The following THSD7A variants were observed in gnomAD, a reference collection of about 807,000 sequenced individuals.
THSD7A encodes the protein thrombospondin type-1 domain-containing protein 7A.
A neutral mutation model predicts 231.3 loss-of-function variants in THSD7A; 96 were observed. The observed-to-expected ratio is 0.41, with a 90% CI of 0.35 to 0.49. The LOEUF (loss-of-function observed/expected upper bound fraction) is 0.49. Among genes scored for constraint, THSD7A ranks in the 20% least tolerant of loss-of-function variants. The probability of loss-of-function intolerance (pLI) is 0.05; values close to 1 mark genes in which losing one functional copy is unlikely to be tolerated. For missense variants in THSD7A, 2,290 were observed against 2,070.2 expected, an observed-to-expected ratio of 1.11 and a Z score of -2.06; for synonymous variants, 940 against 743.3, an observed-to-expected ratio of 1.26 and a Z score of -4.30.
At chr7:11,588,767 G>A (rs1462365289) in intron 4 of THSD7A, among the ~76,000 whole-genome samples, 1 of 152,120 alleles carries the variant, frequency 6.6e-6, no homozygotes, top group Non-Finnish European at 1.5e-5. Context: ...TACTACCCTG[G>A]AAAGACTGCT....
rs565140871 is a variant in THSD7A, at chr7:11,542,034, C to T, written c.1610-403G>A. ...GAAATTTCAAGCTATTTAGAAATAC[C>T]GATGACCAGACAAAAGTGCTATTAT... On this transcript the variant is annotated intron_variant, in intron 5 of 27. Transcript: ENST00000423059. 4.6e-5 allele frequency among the ~76,000 whole-genome samples: 7 copies of T among 152,208 alleles called. No individual in the cohort carries two copies. In the South Asian group the frequency reaches 1.2e-3, roughly 27 times the overall value.
chr7:11,670,689 T>C (rs1050693210), intron 1 of THSD7A, among the ~76,000 whole-genome samples: 2 of 152,168 alleles, frequency 1.3e-5, no homozygotes, highest in Non-Finnish European at 2.9e-5. Flanking sequence ...ATCACAGCAC[T>C]GTAGATGGTA....
At chr7:11,712,769 CTATTA>C (rs1409413960) in intron 1 of THSD7A, among the ~76,000 whole-genome samples, 1 of 150,836 alleles carries the variant, frequency 6.6e-6, no homozygotes, top group African/African-American at 2.4e-5. Context: ...CATATGTGGC[CTATTA>C]TATGTTATTT....
intron 1 of THSD7A, among the ~76,000 whole-genome samples, chr7:11,725,158 A>G (rs1165435165): frequency 6.6e-6 from 1 of 152,008 alleles, no homozygotes; most frequent in Non-Finnish European, 1.5e-5. Context: ...GCTCTTTTAT[A>G]ACAAAATGCT....
Position 11,371,096 on chromosome 7 carries a change from T to C in THSD7A, c.*4698A>G, listed in dbSNP as rs1782035611. ...ACTAAAGCTCTTCATATACTGCCCA[T>C]TTTTAAGATCTGACTTGGTAGAAAC... On this transcript the variant is annotated 3_prime_UTR_variant, in exon 28 of 28. Transcript: ENST00000423059. 1 of 152,224 alleles carries C rather than the reference T, an allele frequency of 6.6e-6. No homozygotes were observed. The highest frequency in any genetic ancestry group is 1.5e-5 in the Non-Finnish European group (1 of 68,034). 9.4% of individuals were successfully genotyped at this position (152,224 alleles called of 1,614,324 possible).
chr7:11,432,662 T>C (rs193112593), intron 13 of THSD7A, among the ~76,000 whole-genome samples: 1 of 152,224 alleles, frequency 6.6e-6, no homozygotes, highest in Admixed American at 6.5e-5. Flanking sequence ...TTCTGGTTGA[T>C]GTGTAGCATT....
chr7:11,515,175 T>C (rs991899031), intron 6 of THSD7A, among the ~76,000 whole-genome samples: 1 of 152,202 alleles, frequency 6.6e-6, no homozygotes, highest in Non-Finnish European at 1.5e-5. Flanking sequence ...CATTTCACTA[T>C]GATTTTAGTT....
intron 1 of THSD7A, chr7:11,751,408 G>T (rs894846288): frequency 5.3e-5 from 8 of 151,954 alleles, no homozygotes; most frequent in East Asian, 1.9e-4. Context: ...GGAATGAAGT[G>T]GGGGGAGGAG....
At chr7:11,780,373 C>T (rs551408994) in intron 1 of THSD7A, among the ~76,000 whole-genome samples, 3 of 152,150 alleles carry the variant, frequency 2.0e-5, no homozygotes, top group Non-Finnish European at 4.4e-5. Context: ...GCATGACTTT[C>T]GTGGCAAGAT....
chr7:11,402,154 A>G (rs193119328), intron 22 of THSD7A, among the ~76,000 whole-genome samples, 186 bp from the exon 23 acceptor site: 1 of 152,282 alleles, frequency 6.6e-6, no homozygotes, highest in Admixed American at 6.5e-5. Context: ...ATGTATTGTT[A>G]TTTTCCGTAT....
chr7:11,687,902 AATTTT>A (rs1212539290), intron 1 of THSD7A, among the ~76,000 whole-genome samples: 1 of 150,816 alleles, frequency 6.6e-6, no homozygotes, highest in African/African-American at 2.4e-5. Flanking sequence ...TTTTAAGGCG[AATTTT>A]ATTTATTTAT....
intron 7 of THSD7A, among the ~76,000 whole-genome samples, chr7:11,476,470 A>AT (rs1479429479): frequency 6.6e-6 from 1 of 151,976 alleles, no homozygotes; most frequent in African/African-American, 2.4e-5. Flanking sequence ...ATAATTAGCA[A>AT]TTTTATGACA....
At chr7:11,691,146 T>C (rs540155592) in intron 1 of THSD7A, among the ~76,000 whole-genome samples, 1 of 151,730 alleles carries the variant, frequency 6.6e-6, no homozygotes, top group Non-Finnish European at 1.5e-5. Context: ...TTCATGCATT[T>C]TTAAAATTTA....
chr7:11,658,909 A>G (rs1359659021), intron 1 of THSD7A, among the ~76,000 whole-genome samples: 1 of 151,760 alleles, frequency 6.6e-6, no homozygotes, highest in Non-Finnish European at 1.5e-5. Context: ...ACTCAGAATA[A>G]ATATAGTGTA....
intron 4 of THSD7A, among the ~76,000 whole-genome samples, chr7:11,565,671 A>C (rs1989990): frequency 0.043 from 6,512 of 152,272 alleles, 283 homozygotes; most frequent in African/African-American, 0.09. Context: ...TAAGCAAGCA[A>C]TATCTGGCTC....
intron 1 of THSD7A, among the ~76,000 whole-genome samples, chr7:11,707,450 A>G (rs183919056): frequency 6.6e-6 from 1 of 150,954 alleles, no homozygotes; most frequent in East Asian, 2.0e-4. Context: ...ACTCTGTTGG[A>G]TTTAGGAATC....
At position 11,729,088 on chromosome 7, in the gene THSD7A, C is replaced by G. The variant is rs115967421; in HGVS notation, c.191-92127G>C. The stretch of plus-strand genomic sequence containing the variant: ...TATCTAGACAACACTATCATAAAAA[C>G]TTAAATAGATTTGTGAGTAAACTTT... On this transcript the variant is annotated intron_variant, in intron 1 of 27. Coordinates refer to ENST00000423059, the MANE Select transcript of THSD7A (RefSeq NM_015204.3). 2.7e-3 allele frequency among the ~76,000 whole-genome samples: 404 copies of G among 151,846 alleles called. 1 individual carries two copies. Among genetic ancestry groups the G allele is most frequent in the African/African-American group, 9.1e-3 (377 of 41,482 alleles).
intron 1 of THSD7A, among the ~76,000 whole-genome samples, chr7:11,718,543 C>A (rs555190589): frequency 5.5e-4 from 83 of 151,608 alleles, no homozygotes; most frequent in Non-Finnish European, 1.0e-3. Context: ...CTAGTGTCTA[C>A]CATTAAACAG....
At chr7:11,635,342 C>G (rs1370091631) in intron 2 of THSD7A, among the ~76,000 whole-genome samples, 1 of 152,080 alleles carries the variant, frequency 6.6e-6, no homozygotes, top group African/African-American at 2.4e-5. Flanking sequence ...TAAGCCACTC[C>G]CAGATGGTCT....
Sources: allele counts gnomAD v4.1 joint callset (sites outside exome capture counted in the v4.1 genomes callset), GRCh38; gene constraint gnomAD v4.1.1; transcripts MANE v1.5; gene names NCBI Gene and HGNC (gene_info 2026-07-23, HGNC 2026-07-21).